Variants in PSTPIP2 observed in about 807,000 individuals in gnomAD.
The protein encoded by PSTPIP2 is proline-serine-threonine phosphatase interacting protein 2, also known as proline-serine-threonine phosphatase-interacting protein 2.
A neutral mutation model predicts 63.3 loss-of-function variants in PSTPIP2; 33 were observed. The observed-to-expected ratio is 0.52, with a 90% CI of 0.40 to 0.70. The LOEUF is 0.70. PSTPIP2 is among the 30% of genes least tolerant of loss of function. The pLI is 0.00. For missense variants in PSTPIP2, 312 were observed against 400.7 expected (o/e 0.78, Z 1.89); for synonymous variants, 125 against 132.7 (o/e 0.94, Z 0.40).
At chr18:45,988,414 G>T (rs2051488750) in intron 14 of PSTPIP2, among the ~76,000 whole-genome samples, 1 of 134,190 alleles carries the variant, frequency 7.5e-6, no homozygotes. Context: ...CAGCCTGGGT[G>T]ACACAGCGAG....
intron 2 of PSTPIP2, chr18:46,028,530 C>T (rs1359726199): frequency 1.1e-5 from 7 of 661,244 alleles, no homozygotes; most frequent in African/African-American, 5.4e-5. Flanking sequence ...GCTGCTGCGG[C>T]GTCTGCGGGG....
At chr18:45,999,888 A>T (rs547133211) in intron 6 of PSTPIP2, among the ~76,000 whole-genome samples, 2 of 152,348 alleles carry the variant, frequency 1.3e-5, no homozygotes, top group East Asian at 3.9e-4. Flanking sequence ...CTGTAATCCC[A>T]ACACTCTGAG....
chr18:46,006,457 C>G (rs1295561779), intron 5 of PSTPIP2, among the ~76,000 whole-genome samples: 1 of 148,794 alleles, frequency 6.7e-6, no homozygotes, highest in Non-Finnish European at 1.5e-5. Flanking sequence ...CTGCAACCTC[C>G]GCCTTCTGGT....
At chr18:46,009,029 C>A (rs1015559497) in intron 5 of PSTPIP2, among the ~76,000 whole-genome samples, 2 of 152,074 alleles carry the variant, frequency 1.3e-5, no homozygotes, top group South Asian at 2.1e-4. Flanking sequence ...TCCTCCCCCC[C>A]ATCATGTAAG....
chr18:45,987,125 C>T (rs1175167063), intron 14 of PSTPIP2, among the ~76,000 whole-genome samples: 1 of 152,174 alleles, frequency 6.6e-6, no homozygotes, highest in Admixed American at 6.5e-5. Flanking sequence ...AGGCGTGAGC[C>T]ACTGTGCCCA....
chr18:46,035,529 C>T (rs962473588), intron 2 of PSTPIP2, among the ~76,000 whole-genome samples: 2 of 151,802 alleles, frequency 1.3e-5, no homozygotes, highest in Non-Finnish European at 1.5e-5. Context: ...AAAAGGAGGA[C>T]TTTCTAGGTG....
At position 46,012,038 on chromosome 18, in the gene PSTPIP2, C is replaced by T. The variant is rs574058548; in HGVS notation, c.248-751G>A. Among the ~76,000 whole-genome samples the T allele has an allele frequency of 6.2e-4, 95 of 152,192 alleles. 1 individual carries two copies. The highest frequency in any genetic ancestry group is 4.1e-4 in the South Asian group (2 of 4,822). On this transcript the variant is annotated intron_variant, in intron 4 of 14. Transcript: ENST00000409746. ...AGAGCAATTAGCTATATCAAAAGAG[C>T]TTCCACAAATCAAAAGAAAAATACA...
At chr18:45,993,553 C>CTAATGTATCCAACA in intron 10 of PSTPIP2, 52 bp downstream of exon 10, 1 of 1,521,508 alleles carries the variant, frequency 6.6e-7, no homozygotes, top group Non-Finnish European at 9.1e-7. Context: ...TCCTTCTACT[C>CTAATGTATCCAACA]TAATGTATCC....
At chr18:46,025,379 G>A (rs992117574) in intron 2 of PSTPIP2, among the ~76,000 whole-genome samples, 6 of 152,062 alleles carry the variant, frequency 3.9e-5, no homozygotes, top group East Asian at 1.9e-4. Context: ...TCTAAAACAC[G>A]CCAGCACCTT....
intron 1 of PSTPIP2, among the ~76,000 whole-genome samples, chr18:46,040,774 A>G (rs1908163458): frequency 6.6e-6 from 1 of 152,136 alleles, no homozygotes; most frequent in Non-Finnish European, 1.5e-5. Flanking sequence ...GAGTTTTTTA[A>G]TTGATGAGAC....
intron 5 of PSTPIP2, chr18:46,010,685 G>A (rs2051785211): frequency 6.5e-6 from 1 of 154,610 alleles, no homozygotes; most frequent in South Asian, 2.0e-4. Flanking sequence ...AAGAGCCTAT[G>A]TATAGCTGCT....
chr18:46,027,297 AAAATAAAT>A (rs67989237), intron 2 of PSTPIP2, among the ~76,000 whole-genome samples: 4,385 of 141,782 alleles, frequency 0.031, 137 homozygotes, highest in African/African-American at 0.07. Flanking sequence ...CTCCATCTCA[AAAATAAAT>A]AAATAAATAA....
chr18:46,024,814 T>C, intron 2 of PSTPIP2, 128 bp from the exon 3 acceptor site: 1 of 696,916 alleles, frequency 1.4e-6, no homozygotes, highest in Non-Finnish European at 2.5e-6. Flanking sequence ...CACCATTCTC[T>C]AAAATGCAAG....
chr18:46,018,409 T>C (rs1266412998), intron 3 of PSTPIP2, among the ~76,000 whole-genome samples: 3 of 152,116 alleles, frequency 2.0e-5, no homozygotes, highest in Non-Finnish European at 4.4e-5. Context: ...TCTTTTTTTT[T>C]TTCCTGCAAC....
chr18:46,068,974 T>A (rs987906338), intron 1 of PSTPIP2, among the ~76,000 whole-genome samples: 9 of 151,890 alleles, frequency 5.9e-5, no homozygotes, highest in African/African-American at 2.2e-4. Context: ...CTTTCCCTAG[T>A]CAATCCCAGG....
intron 9 of PSTPIP2, among the ~76,000 whole-genome samples, chr18:45,994,326 T>C (rs1379757815): frequency 6.6e-6 from 1 of 152,242 alleles, no homozygotes; most frequent in Non-Finnish European, 1.5e-5. Context: ...TTTTAAAATA[T>C]TGAATACCAT....
intron 1 of PSTPIP2, among the ~76,000 whole-genome samples, chr18:46,064,527 T>C (rs1307793689): frequency 6.8e-6 from 1 of 147,620 alleles, no homozygotes; most frequent in African/African-American, 2.5e-5. Context: ...CTCCAACTCC[T>C]GACCTCAGGT....
intron 1 of PSTPIP2, among the ~76,000 whole-genome samples, chr18:46,070,213 G>A (rs922473455): frequency 7.2e-5 from 11 of 152,152 alleles, no homozygotes; most frequent in Non-Finnish European, 7.3e-5. Flanking sequence ...CTTCCCAAGG[G>A]GCGGGGCCAT....
intron 5 of PSTPIP2, among the ~76,000 whole-genome samples, chr18:46,006,629 C>T (rs144372194): frequency 0.014 from 2,139 of 152,110 alleles, 48 homozygotes; most frequent in African/African-American, 0.048. Flanking sequence ...CCACCTCGGC[C>T]TCCCAAAGTG....
Sources: allele counts gnomAD v4.1 joint callset (sites outside exome capture counted in the v4.1 genomes callset), GRCh38; gene constraint gnomAD v4.1.1; transcripts MANE v1.5; gene names NCBI Gene and HGNC (gene_info 2026-07-23, HGNC 2026-07-21).